MIPOL1: variants seen among roughly 807,000 people sequenced by gnomAD.
MIPOL1 encodes mirror-image polydactyly gene 1 protein.
In MIPOL1, 57 loss-of-function variants were observed where a neutral mutation model predicts 60.9. The ratio of observed to expected loss-of-function variants is 0.94; its 90% CI spans 0.76 to 1.17. The LOEUF (loss-of-function observed/expected upper bound fraction) is 1.17, where lower values mean the gene tolerates loss of function less well. Among genes scored for constraint, MIPOL1 ranks in the 50% most tolerant of loss-of-function variants. MIPOL1 has a pLI of 0.00. For missense variants in MIPOL1, 551 were observed against 511.6 expected (o/e 1.08, Z -0.74); for synonymous variants, 179 against 168.8 (o/e 1.06, Z -0.47).
chr14:37,514,531 T>C (rs952715555), intron 12 of MIPOL1, among the ~76,000 whole-genome samples: 5 of 152,172 alleles, frequency 3.3e-5, no homozygotes, highest in Admixed American at 2.0e-4. Flanking sequence ...ATACTTTATA[T>C]AACTCACTCA....
chr14:37,225,848 A>C (rs1375693456), intron 1 of MIPOL1, among the ~76,000 whole-genome samples: 1 of 152,032 alleles, frequency 6.6e-6, no homozygotes, highest in Non-Finnish European at 1.5e-5. Context: ...CCCTTATAAA[A>C]CTGAATGCCT....
intron 10 of MIPOL1, among the ~76,000 whole-genome samples, chr14:37,419,986 C>T (rs1419995009): frequency 1.3e-5 from 2 of 151,790 alleles, no homozygotes; most frequent in South Asian, 2.1e-4. Context: ...AGTAATCCTC[C>T]CACCTTAGCT....
intron 12 of MIPOL1, among the ~76,000 whole-genome samples, chr14:37,522,067 T>A (rs554470773): frequency 0.082 from 12,267 of 149,122 alleles, 1,663 homozygotes; most frequent in African/African-American, 0.28. Context: ...CTCATCAATT[T>A]AACACATTTT....
chr14:37,475,437 T>C (rs544913504), intron 11 of MIPOL1, among the ~76,000 whole-genome samples: 160 of 152,286 alleles, frequency 1.1e-3, no homozygotes, highest in Middle Eastern at 3.4e-3. Flanking sequence ...ATGTCCAACT[T>C]ACCTGTTTTT....
intron 9 of MIPOL1, among the ~76,000 whole-genome samples, chr14:37,360,258 C>T (rs990017333): frequency 3.3e-5 from 5 of 152,126 alleles, no homozygotes; most frequent in African/African-American, 7.2e-5. Context: ...CCATATTGAT[C>T]AGGGATGTTG....
intron 11 of MIPOL1, among the ~76,000 whole-genome samples, chr14:37,471,887 A>G (rs1221787073): frequency 6.6e-6 from 1 of 152,160 alleles, no homozygotes; most frequent in Non-Finnish European, 1.5e-5. Flanking sequence ...AATTTGAAAC[A>G]TGTGTTTAGT....
intron 10 of MIPOL1, among the ~76,000 whole-genome samples, chr14:37,411,109 A>AT (rs2093674282): frequency 6.6e-6 from 1 of 152,178 alleles, no homozygotes; most frequent in African/African-American, 2.4e-5. Context: ...AAATTTAAAA[A>AT]ATATAAAAAG....
At chr14:37,460,474 C>G (rs1368590159) in intron 11 of MIPOL1, among the ~76,000 whole-genome samples, 1 of 152,080 alleles carries the variant, frequency 6.6e-6, no homozygotes, top group Non-Finnish European at 1.5e-5. Context: ...ACTTTCACCC[C>G]TCCCATTAAA....
intron 11 of MIPOL1, among the ~76,000 whole-genome samples, chr14:37,487,753 G>A (rs559498996): frequency 6.0e-5 from 9 of 151,034 alleles, no homozygotes; most frequent in Non-Finnish European, 1.0e-4. Flanking sequence ...TCTGGCTAGC[G>A]GTCTATTTTG....
intron 10 of MIPOL1, among the ~76,000 whole-genome samples, chr14:37,373,039 A>T (rs2092683754): frequency 6.6e-6 from 1 of 152,120 alleles, no homozygotes; most frequent in Non-Finnish European, 1.5e-5. Flanking sequence ...AGTCTCACTC[A>T]GTCGCCCTGG....
chr14:37,291,914 A>ATTT lies in MIPOL1; in HGVS notation c.623+6493_623+6495dup, dbSNP rs57230205. On this transcript the variant is annotated intron_variant, in intron 7 of 12. Transcript: ENST00000684589. ...ACTATTACATATTACAATGGCAATA[A>ATTT]TTTTTTTTTTTTTTTTTTTTTTTTT... Among the ~76,000 whole-genome samples, 161 of 92,992 alleles carry ATTT rather than the reference A, an allele frequency of 1.7e-3. 8 individuals carry two copies. Among genetic ancestry groups the ATTT allele is most frequent in the African/African-American group, 7.7e-3 (144 of 18,698 alleles). 61.0% of individuals were successfully genotyped at this position (92,992 alleles called of 152,430 possible).
chr14:37,313,456 A>G (rs1227417770), intron 9 of MIPOL1, among the ~76,000 whole-genome samples: 1 of 152,144 alleles, frequency 6.6e-6, no homozygotes, highest in Non-Finnish European at 1.5e-5. Flanking sequence ...AGTTAGAAGG[A>G]TAATATTGTA....
At position 37,272,962 on chromosome 14, in the gene MIPOL1, C is replaced by T. The variant is rs192396313; in HGVS notation, c.493+2437C>T. 2.1e-3 allele frequency among the ~76,000 whole-genome samples: 324 copies of T among 150,882 alleles called. 2 individuals are homozygous for T. The highest frequency in any genetic ancestry group is 3.8e-3 in the Non-Finnish European group (259 of 67,336). On this transcript the variant is annotated intron_variant, in intron 6 of 12. Transcript: ENST00000684589. Reference sequence around the variant, plus strand: ...AATGTTAATTAAAATATGAGGTACCCTAAGGAAATAGTAGGCATTTTCTTA... The same window carrying T: ...AATGTTAATTAAAATATGAGGTACCTTAAGGAAATAGTAGGCATTTTCTTA...
intron 11 of MIPOL1, among the ~76,000 whole-genome samples, chr14:37,470,428 G>A (rs1465580325): frequency 6.6e-6 from 1 of 151,870 alleles, no homozygotes; most frequent in East Asian, 1.9e-4. Context: ...TTTCCCCCTT[G>A]CTGTTCTCGT....
At chr14:37,437,514 C>T (rs149338615) in intron 11 of MIPOL1, among the ~76,000 whole-genome samples, 139 of 152,164 alleles carry the variant, frequency 9.1e-4, no homozygotes, top group Middle Eastern at 6.8e-3. Context: ...ATGAAGAAAA[C>T]GTCATATATT....
chr14:37,356,576 C>T lies in MIPOL1; in HGVS notation c.829-12941C>T, dbSNP rs375086579. On this transcript the variant is annotated intron_variant, in intron 9 of 12. Transcript: ENST00000684589. Reference sequence around the variant, plus strand: ...TCAGCGAGACTCTGTGGGTGTAGGACCCTCCGAGCCAGGTGCGGGATATAA... The same window carrying T: ...TCAGCGAGACTCTGTGGGTGTAGGATCCTCCGAGCCAGGTGCGGGATATAA... Among the ~76,000 whole-genome samples the T allele has an allele frequency of 7.7e-4, 117 of 152,294 alleles. 1 individual carries two copies. In the East Asian group the frequency reaches 0.019, roughly 25 times the overall value.
chr14:37,529,810 T>A (rs2153635655), intron 12 of MIPOL1, among the ~76,000 whole-genome samples: 1 of 152,274 alleles, frequency 6.6e-6, no homozygotes, highest in African/African-American at 2.4e-5. Context: ...GAGGTCACCC[T>A]GGCAGGAGCG....
chr14:37,498,315 G>A (rs60430501), intron 11 of MIPOL1, among the ~76,000 whole-genome samples: 8,373 of 151,984 alleles, frequency 0.055, 508 homozygotes, highest in East Asian at 0.32. Context: ...AATTTAAAAC[G>A]TAATTAACAA....
chr14:37,416,059 A>T (rs1463679752), intron 10 of MIPOL1, among the ~76,000 whole-genome samples: 1 of 152,156 alleles, frequency 6.6e-6, no homozygotes, highest in Non-Finnish European at 1.5e-5. Flanking sequence ...ATTCATTCAT[A>T]CTTGAAAGTA....
Sources: gnomAD v4.1 joint callset for allele counts (sites outside exome capture counted in the v4.1 genomes callset) on GRCh38, gnomAD v4.1.1 for gene constraint, MANE v1.5 for transcripts, NCBI Gene and HGNC (gene_info 2026-07-23, HGNC 2026-07-21) for gene names.